Variants in GFPT2 observed in about 807,000 individuals in gnomAD.
GFPT2 encodes the protein glutamine--fructose-6-phosphate aminotransferase [isomerizing] 2.
In GFPT2, 62 loss-of-function variants were observed where a neutral mutation model predicts 85.6. That is an observed-to-expected ratio of 0.72 (90% confidence interval 0.59 to 0.90). GFPT2 has a LOEUF of 0.90. Among genes scored for constraint, GFPT2 ranks in the 40% least tolerant of loss-of-function variants. GFPT2 has a pLI of 0.00. For missense variants in GFPT2, 788 were observed against 893.4 expected (o/e 0.88, Z 1.50); for synonymous variants, 368 against 344.5 (o/e 1.07, Z -0.75).
rs1174433034 is a variant in GFPT2 at position 180,311,945 on chromosome 5, TGCTGAGGACCAGGGAGGCAGGGAG to T, written c.1546+461_1546+484del. On this transcript the variant is annotated intron_variant, in intron 15 of 18. Coordinates refer to ENST00000253778, the MANE Select transcript of GFPT2 (RefSeq NM_005110.4). ...CCTGCGGTGAGAAAGCACTGAGCAC[TGCTGAGGACCAGGGAGGCAGGGAG>T]GCTGAGGACCAGGGAGGCAGGGAGG... Among the ~76,000 whole-genome samples the T allele has an allele frequency of 5.6e-3, 826 of 147,278 alleles. 9 individuals carry two copies. Among genetic ancestry groups the T allele is most frequent in the Non-Finnish European group, 9.6e-3 (646 of 67,058 alleles).
chr5:180,331,400 C>A, intron 5 of GFPT2, 95 bp downstream of exon 5: 1 of 772,324 alleles, frequency 1.3e-6, no homozygotes, highest in Non-Finnish European at 2.3e-6. Flanking sequence ...CACTCAGTTC[C>A]CACACTGGTT....
intron 18 of GFPT2, 122 bp from the exon 19 acceptor site, chr5:180,301,730 G>A (rs142827230): frequency 1.3e-6 from 1 of 791,308 alleles, no homozygotes; most frequent in South Asian, 1.5e-5. Flanking sequence ...CACCAACCTA[G>A]AGACCTGCGT....
chr5:180,336,212 GAGA>G (rs1561882154), intron 3 of GFPT2: 2 of 576,900 alleles, frequency 3.5e-6, no homozygotes, highest in Non-Finnish European at 6.1e-6. Flanking sequence ...ACCATAAACA[GAGA>G]AGCAGTATCA....
rs1340978066 is a variant in GFPT2, at chr5:180,330,658, AGAATGAAG to A, written c.534+34_534+41del. 2 of 1,532,776 alleles carry A rather than the reference AGAATGAAG, an allele frequency of 1.3e-6. No individual in the cohort carries two copies. The highest frequency in any genetic ancestry group is 8.9e-7 in the Non-Finnish European group (1 of 1,117,988). 94.9% of individuals were successfully genotyped at this position (1,532,776 alleles called of 1,614,324 possible). On this transcript the variant is annotated intron_variant, in intron 6 of 18. Coordinates refer to ENST00000253778, the MANE Select transcript of GFPT2 (RefSeq NM_005110.4). This position sits in a 1 kb window ranked among gnomAD's most constrained non-coding sequence, Gnocchi z 4.4. ...GCTTGAAAAAAATGTTTTTAATGAA[AGAATGAAG>A]GAATGAGTTAGACAGATGGGATTTG...
At chr5:180,329,135 T>C (rs1342849030) in intron 6 of GFPT2, among the ~76,000 whole-genome samples, 1 of 152,200 alleles carries the variant, frequency 6.6e-6, no homozygotes, top group Non-Finnish European at 1.5e-5. Flanking sequence ...CTCAGTTATA[T>C]ATAACCAGCT....
In GFPT2 at chr5:180,328,241, CTT is replaced by C. The variant is rs747127314; in HGVS notation, c.596+34_596+35del. 29 of 1,519,370 alleles carry C rather than the reference CTT, an allele frequency of 1.9e-5. No homozygotes were observed. The Admixed American group carries it at 4.8e-4, about 25-fold the overall frequency. 94.1% of individuals were successfully genotyped at this position (1,519,370 alleles called of 1,614,324 possible). On this transcript the variant is annotated intron_variant, in intron 7 of 18. Coordinates refer to ENST00000253778, the MANE Select transcript of GFPT2 (RefSeq NM_005110.4). The surrounding 1 kb of genome is among the most constrained non-coding windows in gnomAD (Gnocchi z 5.4). ...CCAGCTAAGTGATTTTATTTTCGTT[CTT>C]TCTTATGGGAAATGCCAGTGTGTTT...
rs1035411 is a variant in GFPT2 at position 180,302,519 on chromosome 5, A to G, written c.1908T>C (p.Ile636=). The G allele has an allele frequency of 0.63, 1,015,351 of 1,612,754 alleles. 322,524 individuals carry two copies. Among genetic ancestry groups the G allele is most frequent in the East Asian group, 0.91 (40,871 of 44,832 alleles). The part of the protein sequence containing the change: ...TESSKFAYKT[I]ELPHTVDCLQ... ...GGCAGTCCACAGTGTGGGGCAGCTC[A>G]ATTGTCTTATACGCAAACTTGGAAC... is the stretch of plus-strand genomic sequence containing the variant. Residue 636 remains isoleucine (I), a synonymous_variant, in exon 18 of 19, where the codon ATT becomes ATC. Transcript: ENST00000253778.
In GFPT2 at chr5:180,330,598, G is replaced by A. The variant is rs909932763; in HGVS notation, c.534+102C>T. 8 of 944,210 alleles carry A rather than the reference G, an allele frequency of 8.5e-6. No homozygotes were observed. The highest frequency in any genetic ancestry group is 2.4e-5 in the East Asian group (1 of 41,204). The allele number at this position is 944,210 out of a possible 1,614,324, so 58.5% of individuals were successfully genotyped here. A position where few individuals can be genotyped will look rare whatever the true frequency, so the allele number is the denominator to read the frequency against. ...CTCTGTGCAAGTTTGTCTAACAAGG[G>A]CTTATAAAAAATGAAGGATTCCTTG... On this transcript the variant is annotated intron_variant, in intron 6 of 18. Transcript: ENST00000253778. The surrounding 1 kb of genome is among the most constrained non-coding windows in gnomAD (Gnocchi z 4.4).
rs1375689733 is a variant in GFPT2, at chr5:180,314,074, A to G, written c.1274-110T>C. The G allele has an allele frequency of 3.7e-6, 4 of 1,077,828 alleles. No individual in the cohort carries two copies. In the Admixed American group the frequency reaches 8.9e-5, roughly 24 times the overall value. 66.8% of individuals were successfully genotyped at this position (1,077,828 alleles called of 1,614,324 possible). ...ACAGGGAAATCGGCGCCCGAGACAC[A>G]GCCAGCGGGTGTTCAGAAAGGAAAA... is the stretch of plus-strand genomic sequence containing the variant. On this transcript the variant is annotated intron_variant, in intron 13 of 18. Transcript: ENST00000253778.
chr5:180,340,494 C>G (rs1230732591), intron 1 of GFPT2, among the ~76,000 whole-genome samples: 1 of 149,512 alleles, frequency 6.7e-6, no homozygotes, highest in Admixed American at 6.7e-5. Context: ...GCGTGAGCCA[C>G]CCTGCCTGGC....
At chr5:180,314,182 C>T (rs1317768023) in intron 13 of GFPT2, among the ~76,000 whole-genome samples, 1 of 152,172 alleles carries the variant, frequency 6.6e-6, no homozygotes, top group East Asian at 1.9e-4. Context: ...ATTTAAATCT[C>T]GTGACAACCC....
At position 180,335,979 on chromosome 5, in the gene GFPT2, C is replaced by T. The variant is rs374125079; in HGVS notation, c.215-26G>A. 1.3e-4 allele frequency: 196 copies of T among 1,550,872 alleles called. 2 individuals carry two copies. The highest frequency in any genetic ancestry group is 8.7e-4 in the African/African-American group (62 of 70,988). On this transcript the variant is annotated intron_variant, in intron 3 of 18. Coordinates refer to ENST00000253778, the MANE Select transcript of GFPT2 (RefSeq NM_005110.4). ...CTAAATGAAAGGAAAATCAGTTTGC[C>T]GCACTTGAACAACAAGCCTCGACCC...
rs568135545 is a variant in GFPT2 at position 180,331,426 on chromosome 5, G to A, written c.399+69C>T. ...CACACTGGTTTCCGCAAGGAAATGA[G>A]CTGGCTGGAAAGTTTCTGGGGAGAC... On this transcript the variant is annotated intron_variant, in intron 5 of 18. Transcript: ENST00000253778. 38 of 904,802 alleles carry A rather than the reference G, an allele frequency of 4.2e-5. No homozygotes were observed. The African/African-American group carries it at 4.4e-4, about 11-fold the overall frequency. 56.0% of individuals were successfully genotyped at this position (904,802 alleles called of 1,614,324 possible).
chr5:180,301,637 AC>A (rs768375471), intron 18 of GFPT2, 29 bp from the exon 19 acceptor site: 36 of 1,594,334 alleles, frequency 2.3e-5, no homozygotes, highest in Non-Finnish European at 2.8e-5. Flanking sequence ...ACTGTTCAGG[AC>A]CCCAAAGATC....
In GFPT2 at chr5:180,336,409, T is replaced by G; in HGVS notation, c.214+70A>C. On this transcript the variant is annotated intron_variant, in intron 3 of 18. Transcript: ENST00000253778. ...AAGGAGAATCTCCATTCTCCGGCGCTGTTGGAATACGGTCCTAGAAAGCGG... is the reference window on the plus strand; with the variant it reads ...AAGGAGAATCTCCATTCTCCGGCGCGGTTGGAATACGGTCCTAGAAAGCGG... The G allele has an allele frequency of 7.1e-6, 6 of 845,574 alleles. No homozygotes were observed. In the Admixed American group the frequency reaches 8.5e-5, roughly 12 times the overall value. The allele number at this position is 845,574 out of a possible 1,614,324, so 52.4% of individuals were successfully genotyped here.
intron 2 of GFPT2, among the ~76,000 whole-genome samples, chr5:180,336,970 G>A (rs374608373): frequency 6.6e-5 from 10 of 152,238 alleles, no homozygotes; most frequent in Admixed American, 4.6e-4. Context: ...TCCTCCCGTC[G>A]TCTATCGGAC....
chr5:180,338,417 C>T (rs1018997949), intron 2 of GFPT2, 76 bp downstream of exon 2: 2 of 666,688 alleles, frequency 3.0e-6, no homozygotes, highest in African/African-American at 1.8e-5. Flanking sequence ...TTGTAAACCC[C>T]CCTGCAGTGG....
At chr5:180,307,110 C>A (rs73343448) in intron 16 of GFPT2, 66 bp downstream of exon 16, 13,624 of 1,358,714 alleles carry the variant, frequency 0.01, 378 homozygotes, top group African/African-American at 0.089. Context: ...CCCTCCTTCC[C>A]GCTGGCTCCT....
chr5:180,315,292 C>T (rs1763983536), intron 13 of GFPT2, among the ~76,000 whole-genome samples: 1 of 152,116 alleles, frequency 6.6e-6, no homozygotes, highest in Non-Finnish European at 1.5e-5. Context: ...ATTCTCCTGC[C>T]TCAGCCTCCT....
Sources: gnomAD v4.1 joint callset for allele counts (sites outside exome capture counted in the v4.1 genomes callset) on GRCh38, gnomAD v4.1.1 for gene constraint, Gnocchi (gnomAD v3.1) non-coding constraint, MANE v1.5 for transcripts, NCBI Gene and HGNC (gene_info 2026-07-23, HGNC 2026-07-21) for gene names.